SMG5: variants seen among roughly 807,000 people sequenced by gnomAD.
SMG5 encodes the protein nonsense-mediated mRNA decay factor SMG5.
SMG5 carries 53 observed loss-of-function variants against 122.9 expected under a neutral mutation model. The ratio of observed to expected loss-of-function variants is 0.43; its 90% CI spans 0.35 to 0.54. The LOEUF (loss-of-function observed/expected upper bound fraction) is 0.54, where lower values mean the gene tolerates loss of function less well. Ranked by LOEUF, SMG5 falls within the 20% of genes least tolerant of loss-of-function variation. SMG5 has a pLI of 0.01. For synonymous variants in SMG5, 477 were observed against 490.2 expected, an observed-to-expected ratio of 0.97 and a Z score of 0.35; for missense variants, 1,153 against 1,285.6, an observed-to-expected ratio of 0.90 and a Z score of 1.58.
At position 156,257,387 on chromosome 1, in the gene SMG5, G is replaced by A. The variant is rs1185455496; in HGVS notation, c.2442+1618C>T. Among the ~76,000 whole-genome samples the A allele has an allele frequency of 3.9e-5, 6 of 152,120 alleles. No individual in the cohort carries two copies. The East Asian group carries it at 9.7e-4, about 24-fold the overall frequency. ...CCTCTGGGCTGGGGATAAGCCCTTC[G>A]GGGTGGAAGCCTGTGACTCAAGCAG... On this transcript the variant is annotated intron_variant, in intron 16 of 21. Transcript: ENST00000361813.
rs935155631 is a variant in SMG5, at chr1:156,250,055, T to G, written c.*532A>C. 2.4e-6 allele frequency: 1 copy of G among 411,508 alleles called. No individual in the cohort carries two copies. The highest frequency in any genetic ancestry group is 5.1e-6 in the Non-Finnish European group (1 of 196,904). 25.5% of individuals were successfully genotyped at this position (411,508 alleles called of 1,614,324 possible). Reference sequence around the variant, plus strand: ...CAGCCCCTGTGGCTGGCTCCAGAGCTGCCTGGTCCCCATAAAGGGGGCTGA... The same window carrying G: ...CAGCCCCTGTGGCTGGCTCCAGAGCGGCCTGGTCCCCATAAAGGGGGCTGA... On this transcript the variant is annotated 3_prime_UTR_variant, in exon 22 of 22. Coordinates refer to ENST00000361813, the MANE Select transcript of SMG5 (RefSeq NM_015327.3).
At chr1:156,275,298 C>A (rs919515012) in intron 4 of SMG5, among the ~76,000 whole-genome samples, 6 of 152,138 alleles carry the variant, frequency 3.9e-5, no homozygotes, top group African/African-American at 1.4e-4. Context: ...GCTTGCCCTG[C>A]CTGAGGCTGC....
At position 156,250,332 on chromosome 1, in the gene SMG5, A is replaced by G; in HGVS notation, c.*255T>C. The G allele has an allele frequency of 2.0e-6, 1 of 491,910 alleles. No homozygotes were observed. Among genetic ancestry groups the G allele is most frequent in the Non-Finnish European group, 3.7e-6 (1 of 271,792 alleles). 30.5% of individuals were successfully genotyped at this position (491,910 alleles called of 1,614,324 possible). On this transcript the variant is annotated 3_prime_UTR_variant, in exon 22 of 22. Coordinates refer to ENST00000361813, the MANE Select transcript of SMG5 (RefSeq NM_015327.3). ...GAGACAGCAGGGGAGCTGAGGCAGG[A>G]AGGCTGGCCAGGGGCCCACAAGACT... is the stretch of plus-strand genomic sequence containing the variant.
At chr1:156,256,582 C>T (rs1661585251) in intron 16 of SMG5, among the ~76,000 whole-genome samples, 1 of 152,042 alleles carries the variant, frequency 6.6e-6, no homozygotes, top group African/African-American at 2.4e-5. Flanking sequence ...TAAAAGCTCC[C>T]CCAGAGAACT....
At chr1:156,256,310 CTTTTTTTTT>C (rs533116327) in intron 16 of SMG5, among the ~76,000 whole-genome samples, 19 of 86,964 alleles carry the variant, frequency 2.2e-4, no homozygotes, top group Non-Finnish European at 3.7e-4. Flanking sequence ...CATCTTCTCT[CTTTTTTTTT>C]TTTTTTTTTT....
Position 156,266,005 on chromosome 1 carries a change from C to T in SMG5, c.1631G>A (p.Gly544Asp), listed in dbSNP as rs1425173850. ...GAGGGAATCGGGAGCCTCTGATCTG[C>T]CCCGAGGGGGCTCCAGGGTTGGTGA... ...TRSPTLEPPR[G>D]RSEAPDSLNG... Residue 544 changes from glycine to aspartate, a missense_variant, in exon 12 of 22, where the codon GGC becomes GAC. Physicochemically the swap from Gly to Asp is moderately conservative, Grantham distance 94 (BLOSUM62 -1). Around this residue, in one of 5 missense-constraint regions of SMG5, gnomAD observed 631 missense variants for 650.6 expected, o/e 0.97. Transcript: ENST00000361813. 1.2e-6 allele frequency: 2 copies of T among 1,614,200 alleles called. No homozygotes were observed. The highest frequency in any genetic ancestry group is 1.7e-6 in the Non-Finnish European group (2 of 1,180,028).
intron 16 of SMG5, among the ~76,000 whole-genome samples, chr1:156,255,519 A>C (rs916152950): frequency 6.6e-6 from 1 of 152,024 alleles, no homozygotes; most frequent in African/African-American, 2.4e-5. Flanking sequence ...AGTCTGCACA[A>C]CAAGAGCAAA....
chr1:156,280,643 T>C (rs1364330189), intron 1 of SMG5, among the ~76,000 whole-genome samples: 1 of 152,232 alleles, frequency 6.6e-6, no homozygotes, highest in Admixed American at 6.5e-5. Flanking sequence ...AGTGTATATT[T>C]TTATAGACAA....
chr1:156,279,520 A>C (rs912657525), intron 1 of SMG5, among the ~76,000 whole-genome samples: 5 of 152,216 alleles, frequency 3.3e-5, no homozygotes, highest in Non-Finnish European at 5.9e-5. Context: ...CCTTTGGGCA[A>C]ATTACCCACC....
At chr1:156,285,773 G>A (rs764296633), upstream of SMG5, 2 of 1,613,426 alleles carry the variant, frequency 1.2e-6, no homozygotes, top group Non-Finnish European at 1.7e-6. Context: ...GAGGCCGCCT[G>A]GCTGTTCCTG....
Position 156,282,669 on chromosome 1 carries a change from G to T in SMG5, c.12C>A (p.Gly4=). Residue 4 remains glycine, a synonymous_variant, in exon 1 of 22, where the codon GGC becomes GGA. Coordinates refer to ENST00000361813, the MANE Select transcript of SMG5 (RefSeq NM_015327.3). ...GCTCGCTGCTCTCCCCTGTGGGGGG[G>T]CCTTGGCTCATGGTGCCCGGGTCCG... is the stretch of plus-strand genomic sequence containing the variant. MSQ[G]PPTGESSEPE... 6.2e-7 allele frequency: 1 copy of T among 1,604,936 alleles called. No homozygotes were observed.
chr1:156,290,737 G>A, the SMG5 span: 4 of 151,822 alleles, frequency 2.6e-5, no homozygotes, highest in East Asian at 5.8e-4. Flanking sequence ...GCTGAGGCAG[G>A]AGAATTGCTT....
chr1:156,280,668 C>T (rs1452913572), intron 1 of SMG5, among the ~76,000 whole-genome samples: 2 of 152,170 alleles, frequency 1.3e-5, no homozygotes, highest in Non-Finnish European at 2.9e-5. Flanking sequence ...CACAGCTCTC[C>T]TTATATCCTT....
rs149673289 is a variant in SMG5, at chr1:156,278,988, T to C, written c.121A>G (p.Lys41Glu). The change falls in exon 2 of 22, where the codon AAA (lysine) becomes GAA (glutamate). Residue 41 changes from lysine (K) to glutamate (E), a missense_variant. Coordinates refer to ENST00000361813, the MANE Select transcript of SMG5 (RefSeq NM_015327.3). Reference protein sequence around the residue: ...VHRLDLILCNKTAYQEVFKPE... With the variant: ...VHRLDLILCNETAYQEVFKPE... Reference sequence around the variant, plus strand: ...TTGAATACTTCTTGATAAGCAGTTTTGTTGCAAAGGATGAGGTCAAGTCGA... The same window carrying C: ...TTGAATACTTCTTGATAAGCAGTTTCGTTGCAAAGGATGAGGTCAAGTCGA... 244 of 1,614,216 alleles carry C rather than the reference T, an allele frequency of 1.5e-4. No homozygotes were observed. Among genetic ancestry groups the C allele is most frequent in the Non-Finnish European group, 1.9e-4 (219 of 1,180,044 alleles).
rs1229479162 is a variant in SMG5, at chr1:156,262,477, G to GAAA, written c.2031+915_2031+917dup. ...GGCGACAGAGCCAGACTCCATCTCAGAAAAAAAAAAAAAAAAAAAAAGGAG... is the reference window on the plus strand; with the variant it reads ...GGCGACAGAGCCAGACTCCATCTCAGAAAAAAAAAAAAAAAAAAAAAAAAGGAG... On this transcript the variant is annotated intron_variant, in intron 13 of 21. Coordinates refer to ENST00000361813, the MANE Select transcript of SMG5 (RefSeq NM_015327.3). Among the ~76,000 whole-genome samples the GAAA allele has an allele frequency of 6.4e-3, 431 of 66,916 alleles. 5 individuals carry two copies. Among genetic ancestry groups the GAAA allele is most frequent in the Middle Eastern group, 0.01 (1 of 100 alleles). 43.9% of individuals were successfully genotyped at this position (66,916 alleles called of 152,430 possible). A position where few individuals can be genotyped will look rare whatever the true frequency, so the allele number is the denominator to read the frequency against.
chr1:156,263,365 T>G, intron 13 of SMG5, 30 bp downstream of exon 13: 2 of 1,587,300 alleles, frequency 1.3e-6, no homozygotes, highest in Non-Finnish European at 1.7e-6. Flanking sequence ...CCCTGGGACC[T>G]GACAGGGGCA....
chr1:156,253,830 GGT>G (rs1661462578), intron 16 of SMG5: 1 of 379,648 alleles, frequency 2.6e-6, no homozygotes, highest in South Asian at 2.5e-5. Context: ...TTCTCAATCT[GGT>G]CTCCCTTCCC....
chr1:156,275,873 G>A (rs529789519), intron 4 of SMG5, among the ~76,000 whole-genome samples: 6 of 150,860 alleles, frequency 4.0e-5, no homozygotes, highest in African/African-American at 9.8e-5. Context: ...GAGTTCCAGC[G>A]ATGAAATCAT....
At chr1:156,263,605 G>C (rs369210651) in intron 12 of SMG5, 35 bp from the exon 13 acceptor site, 1 of 1,602,346 alleles carries the variant, frequency 6.2e-7, no homozygotes, top group East Asian at 2.2e-5. Context: ...AAAAAAACTG[G>C]GATAAACAAC....
Sources: allele counts gnomAD v4.1 joint callset (sites outside exome capture counted in the v4.1 genomes callset), GRCh38; gene constraint gnomAD v4.1.1; regional missense constraint gnomAD v4.1.1; transcripts MANE v1.5; gene names NCBI Gene and HGNC (gene_info 2026-07-23, HGNC 2026-07-21).